VAX2: variants seen among roughly 807,000 people sequenced by gnomAD.
The protein encoded by VAX2 is ventral anterior homeobox 2.
Under a neutral mutation model 12.5 loss-of-function variants are expected in VAX2, and 8 were observed. That is an observed-to-expected ratio of 0.64 (90% confidence interval 0.37 to 1.15). The LOEUF (loss-of-function observed/expected upper bound fraction) is 1.15. Among genes scored for constraint, VAX2 ranks in the 50% most tolerant of loss-of-function variants. The pLI, the probability that VAX2 is intolerant of heterozygous loss-of-function variation, is 0.01. For missense variants in VAX2, 476 were observed against 412.9 expected, an observed-to-expected ratio of 1.15 and a Z score of -1.32; for synonymous variants, 183 against 187.6, an observed-to-expected ratio of 0.98 and a Z score of 0.20.
At chr2:70,916,310 T>TA (rs1266199429) in intron 1 of VAX2, among the ~76,000 whole-genome samples, 1 of 152,252 alleles carries the variant, frequency 6.6e-6, no homozygotes, top group East Asian at 1.9e-4. Flanking sequence ...TATAGTACCT[T>TA]ATCAAAACCA....
chr2:70,928,530 C>T (rs188025652), intron 2 of VAX2, among the ~76,000 whole-genome samples: 2 of 152,296 alleles, frequency 1.3e-5, no homozygotes, highest in East Asian at 1.9e-4. Flanking sequence ...GGCTCACCTT[C>T]TCAGGAGACG....
rs782163417 is a variant in VAX2, at chr2:70,933,157, G to A, written c.826G>A (p.Glu276Lys). 22 of 1,552,112 alleles carry A rather than the reference G, an allele frequency of 1.4e-5. No individual in the cohort carries two copies. The East Asian group carries it at 5.0e-4, about 35-fold the overall frequency. ...GGCCTTCGAGCCATACAGCTGGCTAGAACGGAAAGTGGGCAGCGCCAGCAG... is the reference window on the plus strand; with the variant it reads ...GGCCTTCGAGCCATACAGCTGGCTAAAACGGAAAGTGGGCAGCGCCAGCAG... ...SSAFEPYSWL[E>K]RKVGSASSCK... Residue 276 changes from glutamate to lysine, a missense_variant, in exon 3 of 3, where the codon GAA becomes AAA. Transcript: ENST00000234392.
At chr2:70,901,313 GC>G (rs1678918562) in intron 1 of VAX2, among the ~76,000 whole-genome samples, 1 of 152,268 alleles carries the variant, frequency 6.6e-6, no homozygotes, top group South Asian at 2.1e-4. Flanking sequence ...CGGCCGGGGT[GC>G]TTCCTCGCCT....
chr2:70,901,730 C>G (rs1185609469), intron 1 of VAX2, among the ~76,000 whole-genome samples: 1 of 152,260 alleles, frequency 6.6e-6, no homozygotes, highest in Non-Finnish European at 1.5e-5. Context: ...CGCTTTCCCT[C>G]GATCTGGGCC....
Position 70,904,104 on chromosome 2 carries a change from G to A in VAX2, c.247+3236G>A, listed in dbSNP as rs535267811. 2.0e-5 allele frequency among the ~76,000 whole-genome samples: 3 copies of A among 152,346 alleles called. No homozygotes were observed. The highest frequency in any genetic ancestry group is 4.4e-5 in the Non-Finnish European group (3 of 68,040). On this transcript the variant is annotated intron_variant, in intron 1 of 2. Coordinates refer to ENST00000234392, the MANE Select transcript of VAX2 (RefSeq NM_012476.3). This position sits in a 1 kb window ranked among gnomAD's most constrained non-coding sequence, Gnocchi z 4.2. ...TAACAGGCACCCCGCACATCGCACC[G>A]CGGACGCAGCGATCCTCCCATTTGT...
At chr2:70,911,514 TC>T (rs1405845415) in intron 1 of VAX2, among the ~76,000 whole-genome samples, 1 of 152,204 alleles carries the variant, frequency 6.6e-6, no homozygotes, top group Non-Finnish European at 1.5e-5. Context: ...TAGGCATTAT[TC>T]CTCTTCAAAA....
At chr2:70,920,950 G>T in intron 1 of VAX2, 148 bp from the exon 2 acceptor site, 1 of 922,892 alleles carries the variant, frequency 1.1e-6, no homozygotes, top group Non-Finnish European at 1.5e-6. Context: ...TGGGCCCAGA[G>T]AGGGTGAGCA....
intron 1 of VAX2, among the ~76,000 whole-genome samples, chr2:70,909,572 C>T (rs1382070872): frequency 1.3e-5 from 2 of 151,922 alleles, no homozygotes; most frequent in African/African-American, 4.8e-5. Flanking sequence ...CTAAGATTTA[C>T]CTTCCAAACT....
chr2:70,916,294 C>A (rs1040207975), intron 1 of VAX2, among the ~76,000 whole-genome samples: 1 of 152,214 alleles, frequency 6.6e-6, no homozygotes, highest in African/African-American at 2.4e-5. Flanking sequence ...TGGCATTTTA[C>A]AAACCTATAG....
At chr2:70,925,731 T>C (rs1553413458) in intron 2 of VAX2, among the ~76,000 whole-genome samples, 1 of 152,136 alleles carries the variant, frequency 6.6e-6, no homozygotes, top group African/African-American at 2.4e-5. Context: ...TGAAATTCAA[T>C]AACAGGAACC....
intron 1 of VAX2, among the ~76,000 whole-genome samples, chr2:70,906,573 G>C (rs12612864): frequency 1.8e-5 from 2 of 110,470 alleles, no homozygotes; most frequent in Non-Finnish European, 3.3e-5. Flanking sequence ...CTGTTGCCCA[G>C]ACTAGAGTGC....
intron 2 of VAX2, among the ~76,000 whole-genome samples, chr2:70,925,255 G>A (rs1296086340): frequency 6.6e-6 from 1 of 152,206 alleles, no homozygotes; most frequent in East Asian, 1.9e-4. Context: ...ACCCACAGGG[G>A]AAAGGAGTGG....
intron 1 of VAX2, among the ~76,000 whole-genome samples, chr2:70,920,711 C>T (rs555878574): frequency 7.9e-5 from 12 of 152,100 alleles, no homozygotes; most frequent in African/African-American, 2.9e-4. Context: ...GTAAGCCTTA[C>T]CTGATTGATC....
intron 2 of VAX2, among the ~76,000 whole-genome samples, chr2:70,929,824 AG>A (rs372559456): frequency 3.9e-5 from 6 of 152,248 alleles, no homozygotes; most frequent in African/African-American, 1.4e-4. Context: ...CACGGCTCAA[AG>A]CCCTTGCTGC....
At chr2:70,919,967 C>T (rs1005064923) in intron 1 of VAX2, among the ~76,000 whole-genome samples, 26 of 152,340 alleles carry the variant, frequency 1.7e-4, no homozygotes, top group Admixed American at 1.2e-3. Flanking sequence ...TGTCAACAGC[C>T]ACTGCCCATT....
At chr2:70,925,747 G>A (rs1223472096) in intron 2 of VAX2, among the ~76,000 whole-genome samples, 1 of 152,158 alleles carries the variant, frequency 6.6e-6, no homozygotes, top group African/African-American at 2.4e-5. Context: ...GAACCATGGT[G>A]TAGCCAGGAA....
chr2:70,932,792 G>A lies in VAX2; in HGVS notation c.461G>A (p.Arg154His), dbSNP rs782554103. 22 of 1,579,792 alleles carry A rather than the reference G, an allele frequency of 1.4e-5. No individual in the cohort carries two copies. The highest frequency in any genetic ancestry group is 3.5e-5 in the South Asian group (3 of 86,608). ...TQVKVWFQNR[R>H]TKQKKDQSRD... ...GTGAAGGTCTGGTTCCAGAACCGCC[G>A]CACCAAGCAGAAGAAAGACCAGAGC... Residue 154 changes from arginine (R) to histidine (H), a missense_variant, in exon 3 of 3, where the codon CGC becomes CAC. Coordinates refer to ENST00000234392, the MANE Select transcript of VAX2 (RefSeq NM_012476.3).
rs61753452 is a variant in VAX2, at chr2:70,900,761, C to T, written c.140C>T (p.Ala47Val). The T allele has an allele frequency of 6.7e-7, 1 of 1,491,200 alleles. No homozygotes were observed. The highest frequency in any genetic ancestry group is 8.9e-7 in the Non-Finnish European group (1 of 1,120,482). The allele number at this position is 1,491,200 out of a possible 1,614,324, so 92.4% of individuals were successfully genotyped here. ...GGTGGCCACAGCCCAACGGAGGTGG[C>T]CGGGACCTCAGCCTCCAGTCCCGCA... ...DGGGHSPTEV[A>V]GTSASSPAGS... Residue 47 changes from alanine (A) to valine (V), a missense_variant, in exon 1 of 3, where the codon GCC becomes GTC. Transcript: ENST00000234392.
chr2:70,917,990 A>C, intron 1 of VAX2, among the ~76,000 whole-genome samples: 1 of 152,224 alleles, frequency 6.6e-6, no homozygotes, highest in East Asian at 1.9e-4. Context: ...TCACAATTGG[A>C]AATTATGGAA....
Sources: gnomAD v4.1 joint callset for allele counts (sites outside exome capture counted in the v4.1 genomes callset) on GRCh38, gnomAD v4.1.1 for gene constraint, Gnocchi (gnomAD v3.1) non-coding constraint, MANE v1.5 for transcripts, NCBI Gene and HGNC (gene_info 2026-07-23, HGNC 2026-07-21) for gene names.